The following ANK3 variants were observed in gnomAD, a reference collection of about 807,000 sequenced individuals.
ANK3 encodes the protein ankyrin 3.
Under a neutral mutation model 370.9 loss-of-function variants are expected in ANK3, and 57 were observed. The observed-to-expected ratio is 0.15, with a 90% CI of 0.12 to 0.19. The LOEUF (loss-of-function observed/expected upper bound fraction) is 0.19, where lower values mean the gene tolerates loss of function less well. Ranked by LOEUF, ANK3 falls within the 10% of genes least tolerant of loss-of-function variation. The probability of loss-of-function intolerance (pLI) is 1.00; values close to 1 mark genes in which losing one functional copy is unlikely to be tolerated. For missense variants in ANK3, 4,439 were observed against 5,302.1 expected (o/e 0.84, Z 5.06); for synonymous variants, 1,929 against 1,946.3 (o/e 0.99, Z 0.23).
chr10:60,696,557 A>G (rs1351115712), intron 1 of ANK3, among the ~76,000 whole-genome samples: 1 of 150,376 alleles, frequency 6.6e-6, no homozygotes, highest in Non-Finnish European at 1.5e-5. Flanking sequence ...ATCCACCATG[A>G]TCAAGTGGGC....
chr10:60,463,572 A>C (rs558461644), intron 2 of ANK3, among the ~76,000 whole-genome samples: 1 of 152,228 alleles, frequency 6.6e-6, no homozygotes, highest in South Asian at 2.1e-4. Flanking sequence ...CATATTGAAC[A>C]TACATTAAAA....
intron 1 of ANK3, among the ~76,000 whole-genome samples, chr10:60,359,570 G>T (rs2058297037): frequency 6.6e-6 from 1 of 152,188 alleles, no homozygotes; most frequent in African/African-American, 2.4e-5. Context: ...TTTTATTGGT[G>T]TGATTTATGA....
At chr10:60,287,303 C>T (rs767844355) in intron 1 of ANK3, among the ~76,000 whole-genome samples, 9 of 152,132 alleles carry the variant, frequency 5.9e-5, no homozygotes, top group Admixed American at 1.3e-4. Context: ...CTTAGCTTTC[C>T]CTACAGCTGA....
chr10:60,131,651 A>G (rs146025999), intron 25 of ANK3, among the ~76,000 whole-genome samples: 5,214 of 152,310 alleles, frequency 0.034, 135 homozygotes, highest in Non-Finnish European at 0.055. Flanking sequence ...GGTCTTGGTA[A>G]TGGTTAATAG....
rs569220520 is a variant in ANK3 at position 60,540,537 on chromosome 10, A to G, written c.96+74649T>C. 2.6e-5 allele frequency among the ~76,000 whole-genome samples: 4 copies of G among 152,014 alleles called. No individual in the cohort carries two copies. In the South Asian group the frequency reaches 8.3e-4, roughly 32 times the overall value. ...GCTCCATCTGGAAGCACATTAGGAA[A>G]CCATTTACTGAGTTAATCCTAAACA... is the stretch of plus-strand genomic sequence containing the variant. On this transcript the variant is annotated intron_variant, in intron 2 of 43. Transcript: ENST00000373827.
Position 60,038,796 on chromosome 10 carries a change from A to G in ANK3, c.*19+3876T>C, listed in dbSNP as rs575554691. Among the ~76,000 whole-genome samples the G allele has an allele frequency of 5.9e-5, 9 of 152,256 alleles. No homozygotes were observed. In the East Asian group the frequency reaches 1.7e-3, roughly 29 times the overall value. ...ATCACACACCAATCTTACATATTTG[A>G]AGAAATGAAAGATCATGCACTGATC... On this transcript the variant is annotated intron_variant, in intron 43 of 43. Transcript: ENST00000280772.
chr10:60,454,167 G>T (rs1567053910), intron 2 of ANK3, among the ~76,000 whole-genome samples: 1 of 152,138 alleles, frequency 6.6e-6, no homozygotes, highest in Admixed American at 6.5e-5. Context: ...ATAAGAGTTG[G>T]ATTATAGGTG....
At chr10:60,289,526 C>G (rs2040851539) in intron 1 of ANK3, among the ~76,000 whole-genome samples, 1 of 152,064 alleles carries the variant, frequency 6.6e-6, no homozygotes, top group South Asian at 2.1e-4. Context: ...GATCCTCCCA[C>G]CTCAGCCTTC....
intron 1 of ANK3, among the ~76,000 whole-genome samples, chr10:60,698,485 A>G (rs1353939896): frequency 6.6e-6 from 1 of 150,788 alleles, no homozygotes; most frequent in Non-Finnish European, 1.5e-5. Context: ...CACAATAGCA[A>G]AGACTTGGAA....
chr10:60,660,406 C>T (rs2078920967), intron 1 of ANK3, among the ~76,000 whole-genome samples: 1 of 152,100 alleles, frequency 6.6e-6, no homozygotes, highest in Non-Finnish European at 1.5e-5. Flanking sequence ...AAGTAAAACA[C>T]CTGTCAAGTC....
chr10:60,318,333 C>A (rs2047909515), intron 1 of ANK3, among the ~76,000 whole-genome samples: 1 of 152,194 alleles, frequency 6.6e-6, no homozygotes, highest in Non-Finnish European at 1.5e-5. Flanking sequence ...CTTAACAGTT[C>A]ACAGTGCATT....
intron 25 of ANK3, among the ~76,000 whole-genome samples, chr10:60,116,305 T>C (rs913545215): frequency 2.0e-5 from 3 of 152,166 alleles, no homozygotes; most frequent in African/African-American, 7.2e-5. Flanking sequence ...GACCTGCCCA[T>C]TGGAATTTCC....
intron 2 of ANK3, among the ~76,000 whole-genome samples, chr10:60,409,282 G>A (rs1196554350): frequency 6.6e-6 from 1 of 152,160 alleles, no homozygotes; most frequent in Non-Finnish European, 1.5e-5. Context: ...CATTTCTGGA[G>A]AGACCAAGAG....
At chr10:60,515,523 A>G (rs533302968) in intron 2 of ANK3, among the ~76,000 whole-genome samples, 8 of 152,312 alleles carry the variant, frequency 5.3e-5, no homozygotes, top group South Asian at 4.1e-4. Context: ...ATGATTAGTT[A>G]ACTTTAATAA....
chr10:60,284,796 G>C (rs569368935), intron 1 of ANK3, among the ~76,000 whole-genome samples: 1 of 151,630 alleles, frequency 6.6e-6, no homozygotes, highest in African/African-American at 2.4e-5. Context: ...AAACTTTTCT[G>C]GGGGGCGGGG....
At chr10:60,089,224 A>G (rs1039821925) in intron 28 of ANK3, among the ~76,000 whole-genome samples, 3 of 152,130 alleles carry the variant, frequency 2.0e-5, no homozygotes, top group African/African-American at 7.2e-5. Flanking sequence ...CTACCTCCAA[A>G]AGTACTTTCC....
intron 2 of ANK3, among the ~76,000 whole-genome samples, chr10:60,417,593 G>C (rs1376864691): frequency 6.6e-6 from 1 of 152,148 alleles, no homozygotes. Flanking sequence ...AAGGTGATGT[G>C]CCACCTATGA....
At chr10:60,474,625 A>T (rs895030165) in intron 2 of ANK3, among the ~76,000 whole-genome samples, 7 of 152,220 alleles carry the variant, frequency 4.6e-5, no homozygotes, top group African/African-American at 1.7e-4. Context: ...GGCCTTTCAA[A>T]TAGTAATCAC....
intron 18 of ANK3, among the ~76,000 whole-genome samples, chr10:60,177,840 T>A (rs1324063578): frequency 6.6e-6 from 1 of 152,124 alleles, no homozygotes; most frequent in African/African-American, 2.4e-5. Flanking sequence ...GACCTCGTGA[T>A]CTGGCCGCCG....
Sources: gnomAD v4.1 joint callset for allele counts (sites outside exome capture counted in the v4.1 genomes callset) on GRCh38, gnomAD v4.1.1 for gene constraint, MANE v1.5 for transcripts, NCBI Gene and HGNC (gene_info 2026-07-23, HGNC 2026-07-21) for gene names.